FAM193A: variants seen among roughly 807,000 people sequenced by gnomAD.
FAM193A encodes protein FAM193A.
FAM193A carries 22 observed loss-of-function variants against 126.5 expected under a neutral mutation model. The ratio of observed to expected loss-of-function variants is 0.17; its 90% confidence interval spans 0.12 to 0.25. The LOEUF (loss-of-function observed/expected upper bound fraction) is 0.25, where lower values mean the gene tolerates loss of function less well. FAM193A is among the 10% of genes least tolerant of loss of function. The probability of loss-of-function intolerance (pLI) is 1.00; values close to 1 mark genes in which losing one functional copy is unlikely to be tolerated. For missense variants in FAM193A, 1,675 were observed against 1,672.8 expected, an observed-to-expected ratio of 1.00 and a Z score of -0.02; for synonymous variants, 761 against 646.8, an observed-to-expected ratio of 1.18 and a Z score of -2.68.
chr4:2,633,837 G>C (rs1306380102), intron 5 of FAM193A, among the ~76,000 whole-genome samples: 1 of 152,170 alleles, frequency 6.6e-6, no homozygotes, highest in African/African-American at 2.4e-5. Flanking sequence ...AGGTTGCAGT[G>C]AGCCGAGATG....
intron 1 of FAM193A, among the ~76,000 whole-genome samples, chr4:2,547,489 C>T (rs1350137964): frequency 3.3e-5 from 5 of 151,952 alleles, no homozygotes; most frequent in Non-Finnish European, 5.9e-5. Flanking sequence ...AGGGCTCCAG[C>T]GATCCTCCCA....
chr4:2,731,466 A>G (rs552586768), intron 20 of FAM193A, among the ~76,000 whole-genome samples: 1 of 152,128 alleles, frequency 6.6e-6, no homozygotes, highest in East Asian at 1.9e-4. Flanking sequence ...GATTACAGGT[A>G]TGAGCCACCA....
intron 12 of FAM193A, among the ~76,000 whole-genome samples, chr4:2,665,054 T>TA (rs2109128727): frequency 6.6e-6 from 1 of 152,338 alleles, no homozygotes; most frequent in South Asian, 2.1e-4. Context: ...TGTGGGATGA[T>TA]ATAGATCAAT....
chr4:2,549,676 G>A (rs187472891), intron 1 of FAM193A, among the ~76,000 whole-genome samples: 3 of 150,798 alleles, frequency 2.0e-5, no homozygotes, highest in Admixed American at 6.6e-5. Flanking sequence ...GATTACAGGC[G>A]TGAGCCACCG....
chr4:2,701,718 G>A (rs887963609), intron 19 of FAM193A, among the ~76,000 whole-genome samples: 2 of 151,630 alleles, frequency 1.3e-5, no homozygotes, highest in Admixed American at 1.3e-4. Flanking sequence ...TCACCGACTA[G>A]TTGTAGCATC....
Sources: gnomAD v4.1 joint callset for allele counts (sites outside exome capture counted in the v4.1 genomes callset) on GRCh38, gnomAD v4.1.1 for gene constraint, MANE v1.5 for transcripts, NCBI Gene and HGNC (gene_info 2026-07-23, HGNC 2026-07-21) for gene names.